TENM4: variants seen among roughly 807,000 people sequenced by gnomAD.
The protein encoded by TENM4 is teneurin transmembrane protein 4.
In TENM4, 82 loss-of-function variants were observed where a neutral mutation model predicts 243.3. That is an observed-to-expected ratio of 0.34 (90% CI 0.28 to 0.40). TENM4 has a LOEUF of 0.40. TENM4 is among the 10% of genes least tolerant of loss of function. The probability of loss-of-function intolerance (pLI) is 1.00; values close to 1 mark genes in which losing one functional copy is unlikely to be tolerated. For missense variants in TENM4, 3,138 were observed against 3,673.3 expected, an observed-to-expected ratio of 0.85 and a Z score of 3.77; for synonymous variants, 1,412 against 1,456.3, an observed-to-expected ratio of 0.97 and a Z score of 0.69.
At chr11:79,241,671 A>G (rs9943621) in intron 2 of TENM4, among the ~76,000 whole-genome samples, 6 of 152,156 alleles carry the variant, frequency 3.9e-5, no homozygotes, top group African/African-American at 1.2e-4. Context: ...CGCAGCATGC[A>G]TTTGTGCAGA....
At chr11:78,835,446 C>T (rs926481639) in intron 12 of TENM4, among the ~76,000 whole-genome samples, 1 of 152,170 alleles carries the variant, frequency 6.6e-6, no homozygotes, top group Non-Finnish European at 1.5e-5. Context: ...GCAGAGGTTG[C>T]AGTGAGCTGG....
At chr11:79,056,415 G>T (rs543902365) in intron 6 of TENM4, among the ~76,000 whole-genome samples, 1 of 151,982 alleles carries the variant, frequency 6.6e-6, no homozygotes, top group Non-Finnish European at 1.5e-5. Context: ...AGCAGGAAGC[G>T]GTTATGGGGT....
chr11:78,755,020 C>T (rs979855005), intron 19 of TENM4, among the ~76,000 whole-genome samples: 20 of 152,216 alleles, frequency 1.3e-4, no homozygotes, highest in Non-Finnish European at 2.1e-4. Flanking sequence ...GTCTGCATCC[C>T]GCTCCGTCAT....
chr11:78,725,917 A>AG (rs1855499664), intron 23 of TENM4, among the ~76,000 whole-genome samples, 162 bp downstream of exon 23: 1 of 152,260 alleles, frequency 6.6e-6, no homozygotes, highest in African/African-American at 2.4e-5. Flanking sequence ...GCACAGTGAC[A>AG]GGCTCAGAGG....
intron 2 of TENM4, among the ~76,000 whole-genome samples, chr11:79,234,395 T>C (rs1173168367): frequency 6.6e-6 from 1 of 152,226 alleles, no homozygotes; most frequent in Non-Finnish European, 1.5e-5. Flanking sequence ...ATTCCCTGTA[T>C]AGGCATGTGC....
chr11:78,978,867 C>A (rs1268918881), intron 6 of TENM4, among the ~76,000 whole-genome samples: 1 of 151,940 alleles, frequency 6.6e-6, no homozygotes, highest in Non-Finnish European at 1.5e-5. Context: ...GGGTTTCTTG[C>A]TTTCTGGAGT....
intron 12 of TENM4, among the ~76,000 whole-genome samples, chr11:78,848,243 C>G (rs1858449632): frequency 6.6e-6 from 1 of 151,682 alleles, no homozygotes; most frequent in African/African-American, 2.4e-5. Context: ...CGGGTCTCAT[C>G]AGATAGACCT....
rs546728680 is a variant in TENM4 at position 79,064,989 on chromosome 11, C to T, written c.242G>A (p.Arg81Gln). Residue 81 changes from arginine to glutamine, a missense_variant, in exon 6 of 34, where the codon CGG (arginine) becomes CAG (glutamine). Coordinates refer to ENST00000278550, the MANE Select transcript of TENM4 (RefSeq NM_001098816.3). The stretch of plus-strand genomic sequence containing the variant: ...CGTTACTTCTTCCAGCCCCAGCTCC[C>T]GCAGGGTGAAGTTGGCACCTGGGAG... ...FCRTGANFTL[R>Q]ELGLEEVTPP... is the part of the protein sequence containing the mutation. 3.2e-4 allele frequency: 470 copies of T among 1,462,092 alleles called. No homozygotes were observed. Among genetic ancestry groups the T allele is most frequent in the African/African-American group, 7.1e-4 (50 of 70,520 alleles). 90.6% of individuals were successfully genotyped at this position (1,462,092 alleles called of 1,614,324 possible). A position where few individuals can be genotyped will look rare whatever the true frequency, so the allele number is the denominator to read the frequency against.
intron 2 of TENM4, among the ~76,000 whole-genome samples, chr11:79,267,039 G>A (rs771163118): frequency 3.3e-5 from 5 of 151,994 alleles, no homozygotes; most frequent in East Asian, 3.9e-4. Context: ...CTCCACAATC[G>A]CTTCTTCTCT....
chr11:78,809,175 G>C (rs1733381328), intron 14 of TENM4, among the ~76,000 whole-genome samples: 1 of 152,160 alleles, frequency 6.6e-6, no homozygotes, highest in Non-Finnish European at 1.5e-5. Context: ...ATGAGTCTAA[G>C]GAAGGACTTA....
At chr11:79,389,132 C>T (rs1205225192) in intron 1 of TENM4, among the ~76,000 whole-genome samples, 1 of 152,036 alleles carries the variant, frequency 6.6e-6, no homozygotes, top group Non-Finnish European at 1.5e-5. Context: ...GCCCTCATGC[C>T]CAGAGACGAG....
intron 6 of TENM4, among the ~76,000 whole-genome samples, chr11:78,906,135 T>G (rs1192988361): frequency 6.6e-6 from 1 of 152,248 alleles, no homozygotes; most frequent in Non-Finnish European, 1.5e-5. Flanking sequence ...GCATTTTACT[T>G]AATTGATATA....
chr11:79,104,039 T>C (rs1170840426), intron 4 of TENM4, among the ~76,000 whole-genome samples: 1 of 152,168 alleles, frequency 6.6e-6, no homozygotes, highest in Non-Finnish European at 1.5e-5. Flanking sequence ...CAGATTTCAT[T>C]TGGGTCTCTC....
At chr11:78,879,347 C>T (rs1460394229) in intron 9 of TENM4, among the ~76,000 whole-genome samples, 7 of 151,732 alleles carry the variant, frequency 4.6e-5, no homozygotes, top group Admixed American at 1.3e-4. Context: ...CTCTGCCCGG[C>T]CGCCCCGTCT....
intron 1 of TENM4, among the ~76,000 whole-genome samples, chr11:79,341,118 C>G (rs1857234541): frequency 6.6e-6 from 1 of 152,228 alleles, no homozygotes; most frequent in Non-Finnish European, 1.5e-5. Context: ...AAAATGGATT[C>G]TCCCTTTGGA....
intron 6 of TENM4, among the ~76,000 whole-genome samples, chr11:78,926,841 C>A (rs569567966): frequency 1.3e-5 from 2 of 152,036 alleles, no homozygotes; most frequent in South Asian, 2.1e-4. Flanking sequence ...TTAGGAGAAC[C>A]ATCTGGAATC....
At position 78,656,637 on chromosome 11, in the gene TENM4, T is replaced by G. The variant is rs186785558; in HGVS notation, c.*1421A>C. On this transcript the variant is annotated 3_prime_UTR_variant, in exon 34 of 34. Coordinates refer to ENST00000278550, the MANE Select transcript of TENM4 (RefSeq NM_001098816.3). The stretch of plus-strand genomic sequence containing the variant: ...TCACAGGAATCATGCCAGCCTGGCC[T>G]CCCAGATCTACGGGCACCCACCTTG... 3.1e-4 allele frequency: 51 copies of G among 162,838 alleles called. 1 individual carries two copies. In the East Asian group the frequency reaches 8.3e-3, roughly 27 times the overall value. 10.1% of individuals were successfully genotyped at this position (162,838 alleles called of 1,614,324 possible).
intron 31 of TENM4, among the ~76,000 whole-genome samples, chr11:78,670,859 G>A (rs1378418996): frequency 2.0e-5 from 3 of 152,222 alleles, no homozygotes; most frequent in Non-Finnish European, 2.9e-5. Flanking sequence ...GTCCTATGGT[G>A]AGCAGCCTCG....
intron 12 of TENM4, among the ~76,000 whole-genome samples, chr11:78,840,298 C>T (rs1006375744): frequency 2.0e-5 from 3 of 152,002 alleles, no homozygotes; most frequent in African/African-American, 7.2e-5. Context: ...TCCCTTGTAC[C>T]CTGACTAGAC....
Sources: gnomAD v4.1 joint callset for allele counts (sites outside exome capture counted in the v4.1 genomes callset) on GRCh38, gnomAD v4.1.1 for gene constraint, MANE v1.5 for transcripts, NCBI Gene and HGNC (gene_info 2026-07-23, HGNC 2026-07-21) for gene names.